PITPNC1: variants seen among roughly 807,000 people sequenced by gnomAD.
PITPNC1 encodes the protein cytoplasmic phosphatidylinositol transfer protein 1.
PITPNC1 carries 18 observed loss-of-function variants against 44.7 expected under a neutral mutation model. That is an observed-to-expected ratio of 0.40 (90% CI 0.28 to 0.60). PITPNC1 has a LOEUF of 0.60. Among genes scored for constraint, PITPNC1 ranks in the 20% least tolerant of loss-of-function variants. The pLI, the probability that PITPNC1 is intolerant of heterozygous loss-of-function variation, is 0.39. For synonymous variants in PITPNC1, 141 were observed against 149.6 expected (o/e 0.94, Z 0.42); for missense variants, 290 against 418.4 (o/e 0.69, Z 2.68).
At chr17:67,462,645 A>G (rs745448991) in intron 1 of PITPNC1, among the ~76,000 whole-genome samples, 1 of 152,192 alleles carries the variant, frequency 6.6e-6, no homozygotes, top group Non-Finnish European at 1.5e-5. Context: ...GCTTTCATGC[A>G]AATGAGGTGG....
intron 6 of PITPNC1, among the ~76,000 whole-genome samples, chr17:67,650,245 T>G (rs770321468): frequency 2.6e-5 from 4 of 152,120 alleles, no homozygotes; most frequent in Non-Finnish European, 5.9e-5. Flanking sequence ...ATCACAAGGA[T>G]GAAATGAGAA....
intron 1 of PITPNC1, among the ~76,000 whole-genome samples, chr17:67,378,431 C>T (rs887282708): frequency 4.6e-5 from 7 of 152,096 alleles, no homozygotes; most frequent in Non-Finnish European, 1.0e-4. Context: ...TTTTCGGGGG[C>T]GCCCAGAATC....
At chr17:67,381,049 C>T (rs1218221360) in intron 1 of PITPNC1, among the ~76,000 whole-genome samples, 4 of 152,034 alleles carry the variant, frequency 2.6e-5, no homozygotes, top group African/African-American at 4.8e-5. Flanking sequence ...CTGGGATTGC[C>T]GGGTGCGGTG....
chr17:67,446,095 C>T (rs1374279449), intron 1 of PITPNC1, among the ~76,000 whole-genome samples: 7 of 151,776 alleles, frequency 4.6e-5, no homozygotes, highest in Non-Finnish European at 8.8e-5. Context: ...TACAGGCGTG[C>T]GCCACCATGC....
At chr17:67,687,055 ACC>A (rs777814513) in intron 8 of PITPNC1, 1 of 1,499,614 alleles carries the variant, frequency 6.7e-7, no homozygotes, top group South Asian at 1.1e-5. Flanking sequence ...CAACATCTTG[ACC>A]TCTTTCAGAT....
chr17:67,379,557 C>T (rs761072190), intron 1 of PITPNC1, among the ~76,000 whole-genome samples: 1 of 150,836 alleles, frequency 6.6e-6, no homozygotes, highest in Non-Finnish European at 1.5e-5. Context: ...TAAGCAGGGT[C>T]TGGAAGGGTG....
At chr17:67,581,158 A>G (rs972110233) in intron 5 of PITPNC1, among the ~76,000 whole-genome samples, 2 of 152,204 alleles carry the variant, frequency 1.3e-5, no homozygotes, top group African/African-American at 2.4e-5. Context: ...CCCAAAATTC[A>G]TATGGTTATT....
At chr17:67,565,062 A>G (rs1409002914) in intron 4 of PITPNC1, among the ~76,000 whole-genome samples, 1 of 151,990 alleles carries the variant, frequency 6.6e-6, no homozygotes, top group African/African-American at 2.4e-5. Flanking sequence ...TGGATATACT[A>G]GTTTTTCAAT....
intron 1 of PITPNC1, among the ~76,000 whole-genome samples, chr17:67,529,450 T>C (rs1193856905): frequency 6.6e-6 from 1 of 152,192 alleles, no homozygotes; most frequent in Non-Finnish European, 1.5e-5. Context: ...GGTGCTTTTG[T>C]TTAAATTGAG....
chr17:67,624,969 A>G (rs1197387990), intron 5 of PITPNC1, among the ~76,000 whole-genome samples: 1 of 152,216 alleles, frequency 6.6e-6, no homozygotes, highest in Non-Finnish European at 1.5e-5. Flanking sequence ...TGGAATCTAT[A>G]ACATGGTAAT....
In PITPNC1 at chr17:67,510,799, C is replaced by T. The variant is rs140143756; in HGVS notation, c.49-22003C>T. 2.8e-4 allele frequency among the ~76,000 whole-genome samples: 43 copies of T among 152,094 alleles called. No homozygotes were observed. The South Asian group carries it at 4.4e-3, about 15-fold the overall frequency. Reference sequence around the variant, plus strand: ...TTTTTAGTAGAGCAACCTCTGTTACCGCCCTTGTGGATAAAGACTCCCGGG... The same window carrying T: ...TTTTTAGTAGAGCAACCTCTGTTACTGCCCTTGTGGATAAAGACTCCCGGG... On this transcript the variant is annotated intron_variant, in intron 1 of 8. Coordinates refer to ENST00000581322, the MANE Select transcript of PITPNC1 (RefSeq NM_012417.4).
At chr17:67,481,571 T>C (rs2039702130) in intron 1 of PITPNC1, among the ~76,000 whole-genome samples, 1 of 152,166 alleles carries the variant, frequency 6.6e-6, no homozygotes, top group Non-Finnish European at 1.5e-5. Context: ...ACTCCTGGGC[T>C]CAAGCGATTC....
intron 8 of PITPNC1, among the ~76,000 whole-genome samples, chr17:67,683,903 G>A (rs1249934142): frequency 6.6e-6 from 1 of 151,176 alleles, no homozygotes; most frequent in East Asian, 2.0e-4. Flanking sequence ...ACTTGAACCC[G>A]GGAGGCAGAG....
chr17:67,578,646 TAC>T (rs2041184089), intron 5 of PITPNC1, among the ~76,000 whole-genome samples: 1 of 152,196 alleles, frequency 6.6e-6, no homozygotes, highest in Non-Finnish European at 1.5e-5. Context: ...AAGATATGTG[TAC>T]ACAGAAAAGG....
At chr17:67,511,069 G>A (rs572207951) in intron 1 of PITPNC1, among the ~76,000 whole-genome samples, 5 of 151,964 alleles carry the variant, frequency 3.3e-5, no homozygotes, top group South Asian at 2.1e-4. Flanking sequence ...GAGTACACGC[G>A]TTTGCATTTT....
intron 5 of PITPNC1, among the ~76,000 whole-genome samples, chr17:67,598,172 A>G (rs1449539869): frequency 2.0e-5 from 3 of 152,142 alleles, no homozygotes; most frequent in Non-Finnish European, 4.4e-5. Context: ...CAGTGAGCCA[A>G]GATCACGCCA....
chr17:67,665,593 A>G (rs2042410495), intron 6 of PITPNC1, among the ~76,000 whole-genome samples: 1 of 152,212 alleles, frequency 6.6e-6, no homozygotes, highest in African/African-American at 2.4e-5. Context: ...AATGCTTGTT[A>G]TTGTGAACAT....
intron 1 of PITPNC1, among the ~76,000 whole-genome samples, chr17:67,401,863 A>G (rs1219636815): frequency 6.6e-6 from 1 of 152,076 alleles, no homozygotes; most frequent in Admixed American, 6.6e-5. Flanking sequence ...AAAAAAGAAA[A>G]GAAAAGAAAT....
intron 6 of PITPNC1, among the ~76,000 whole-genome samples, chr17:67,668,552 T>C (rs756205474): frequency 6.6e-6 from 1 of 151,554 alleles, no homozygotes; most frequent in Admixed American, 6.6e-5. Flanking sequence ...GTGAGACCCA[T>C]CTCTACAAAA....
Sources: gnomAD v4.1 joint callset for allele counts (sites outside exome capture counted in the v4.1 genomes callset) on GRCh38, gnomAD v4.1.1 for gene constraint, MANE v1.5 for transcripts, NCBI Gene and HGNC (gene_info 2026-07-23, HGNC 2026-07-21) for gene names.